Variants in FAM163B observed in about 807,000 individuals in gnomAD.
The protein encoded by FAM163B is protein FAM163B.
In FAM163B, 4 loss-of-function variants were observed where a neutral mutation model predicts 7.6. The ratio of observed to expected loss-of-function variants is 0.52; its 90% CI spans 0.26 to 1.20. The LOEUF (loss-of-function observed/expected upper bound fraction) is 1.20. Among genes scored for constraint, FAM163B ranks in the 50% most tolerant of loss-of-function variants. The pLI, the probability that FAM163B is intolerant of heterozygous loss-of-function variation, is 0.14. For synonymous variants in FAM163B, 120 were observed against 111.6 expected (o/e 1.07, Z -0.47); for missense variants, 250 against 243.0 (o/e 1.03, Z -0.19).
intron 1 of FAM163B, among the ~76,000 whole-genome samples, chr9:133,594,546 C>A (rs1252096270): frequency 6.6e-6 from 1 of 152,126 alleles, no homozygotes; most frequent in Non-Finnish European, 1.5e-5. Flanking sequence ...CTCTTCTGGG[C>A]TCTAGTAGCA....
At chr9:133,593,730 G>A (rs1237453111) in intron 1 of FAM163B, among the ~76,000 whole-genome samples, 3 of 152,258 alleles carry the variant, frequency 2.0e-5, no homozygotes, top group South Asian at 2.1e-4. Flanking sequence ...ACAGCCCGGT[G>A]CTGGGGCCAG....
intron 1 of FAM163B, among the ~76,000 whole-genome samples, chr9:133,587,357 C>A (rs1436443089): frequency 2.0e-5 from 3 of 152,210 alleles, no homozygotes; most frequent in Admixed American, 6.5e-5. Flanking sequence ...CTGGGAAGCC[C>A]TGGAGCCATA....
intron 1 of FAM163B, among the ~76,000 whole-genome samples, chr9:133,588,680 C>CGTTAAGGGATCTAGCATGT (rs1564192732): frequency 2.1e-5 from 1 of 47,738 alleles, no homozygotes; most frequent in African/African-American, 7.3e-5. Flanking sequence ...ATCTAGCATA[C>CGTTAAGGGATCTAGCATGT]TGAGAGATCT....
At chr9:133,592,911 G>T (rs951208519) in intron 1 of FAM163B, among the ~76,000 whole-genome samples, 1 of 152,164 alleles carries the variant, frequency 6.6e-6, no homozygotes, top group East Asian at 1.9e-4. Context: ...CCCCAGACCT[G>T]GCAGCATCCC....
chr9:133,579,503 C>A (rs1327440632), intron 2 of FAM163B, 74 bp from the exon 3 acceptor site: 6 of 1,482,958 alleles, frequency 4.0e-6, no homozygotes, highest in East Asian at 2.5e-5. Flanking sequence ...AAGGCTACCC[C>A]TGACTGGGGA....
At chr9:133,584,552 A>G (rs1831404521) in intron 1 of FAM163B, among the ~76,000 whole-genome samples, 1 of 152,254 alleles carries the variant, frequency 6.6e-6, no homozygotes, top group African/African-American at 2.4e-5. Flanking sequence ...ACACCCTCCA[A>G]GGGTAGGCAG....
intron 1 of FAM163B, among the ~76,000 whole-genome samples, chr9:133,593,375 C>T (rs1361573605): frequency 2.6e-5 from 4 of 152,144 alleles, no homozygotes; most frequent in Non-Finnish European, 4.4e-5. Flanking sequence ...CATCTGTCCA[C>T]CACTGCCATC....
At chr9:133,603,599 C>CA (rs1247825529) in intron 1 of FAM163B, among the ~76,000 whole-genome samples, 1 of 152,162 alleles carries the variant, frequency 6.6e-6, no homozygotes, top group Non-Finnish European at 1.5e-5. Flanking sequence ...GCTCATTAGC[C>CA]AAAGTTGACA....
rs377703967 is a variant in FAM163B at position 133,582,975 on chromosome 9, C to T, written c.-23-2729G>A. 5.3e-4 allele frequency among the ~76,000 whole-genome samples: 80 copies of T among 152,292 alleles called. 1 individual carries two copies. In the East Asian group the frequency reaches 0.014, roughly 26 times the overall value. ...CCTGACTCAGGTGCCGATCCCTCCC[C>T]GACACCTGCAGAGTGACTCCTGCTG... On this transcript the variant is annotated intron_variant, in intron 1 of 2. Coordinates refer to ENST00000673969, the MANE Select transcript of FAM163B (RefSeq NM_001080515.3).
Position 133,578,777 on chromosome 9 carries a change from TG to T in FAM163B, c.*244del. 1.6e-6 allele frequency: 1 copy of T among 609,410 alleles called. No homozygotes were observed. The highest frequency in any genetic ancestry group is 2.6e-6 in the Non-Finnish European group (1 of 391,196). 37.8% of individuals were successfully genotyped at this position (609,410 alleles called of 1,614,324 possible). A position where few individuals can be genotyped will look rare whatever the true frequency, so the allele number is the denominator to read the frequency against. ...CCTGGTGCATGCCCAGCCGGCTGTA[TG>T]GTCACCTGGTCCTTCTAGCCCCAGG... On this transcript the variant is annotated 3_prime_UTR_variant, in exon 3 of 3. Transcript: ENST00000673969.
chr9:133,579,088 G>C lies in FAM163B; in HGVS notation c.435C>G (p.Asn145Lys). The change falls in exon 3 of 3, where the codon AAC becomes AAG. Residue 145 changes from asparagine to lysine, a missense_variant. By Grantham distance (94) the Asn-to-Lys change is moderately conservative (BLOSUM62 0). Transcript: ENST00000673969. ...CCCGCATGGCTGAGAGGCGGTTGGG[G>C]TTGAGCGCCTGCAGGCCCCCGAAGC... Reference protein sequence around the residue: ...PGGFGGLQALNPNRLSAMREA... With the variant: ...PGGFGGLQALKPNRLSAMREA... The C allele has an allele frequency of 2.5e-6, 4 of 1,596,380 alleles. No individual in the cohort carries two copies. The highest frequency in any genetic ancestry group is 3.4e-6 in the Non-Finnish European group (4 of 1,173,672).
intron 1 of FAM163B, among the ~76,000 whole-genome samples, chr9:133,586,619 C>G (rs1260060804): frequency 6.6e-6 from 1 of 152,198 alleles, no homozygotes; most frequent in African/African-American, 2.4e-5. Context: ...GTTCACTGCC[C>G]AGCAGAAGCA....
At chr9:133,598,248 C>T (rs80023900) in intron 1 of FAM163B, among the ~76,000 whole-genome samples, 1 of 151,986 alleles carries the variant, frequency 6.6e-6, no homozygotes, top group Non-Finnish European at 1.5e-5. Context: ...CAGGGGCTCT[C>T]CCCCTGGGGA....
At chr9:133,592,701 TCTTTA>T (rs756301839) in intron 1 of FAM163B, among the ~76,000 whole-genome samples, 9 of 152,142 alleles carry the variant, frequency 5.9e-5, no homozygotes, top group Non-Finnish European at 1.3e-4. Context: ...GCCAGTGACT[TCTTTA>T]CTTAAAGCAC....
At chr9:133,589,448 G>A (rs1588326672) in intron 1 of FAM163B, among the ~76,000 whole-genome samples, 1 of 152,350 alleles carries the variant, frequency 6.6e-6, no homozygotes, top group East Asian at 1.9e-4. Context: ...GGCTCCAGGG[G>A]TGAACATGGT....
intron 1 of FAM163B, chr9:133,586,120 G>C (rs373447464): frequency 1.3e-5 from 2 of 152,262 alleles, no homozygotes; most frequent in East Asian, 1.9e-4. Flanking sequence ...ACGAGGAAGT[G>C]CTCGGCTGCC....
chr9:133,587,821 C>T (rs1831463390), intron 1 of FAM163B, among the ~76,000 whole-genome samples: 1 of 152,106 alleles, frequency 6.6e-6, no homozygotes, highest in South Asian at 2.1e-4. Flanking sequence ...CTGCCTCAAA[C>T]CTCACCTTCT....
At chr9:133,588,050 G>T (rs1831468418) in intron 1 of FAM163B, among the ~76,000 whole-genome samples, 1 of 152,164 alleles carries the variant, frequency 6.6e-6, no homozygotes, top group Non-Finnish European at 1.5e-5. Flanking sequence ...ATCTGCCCAG[G>T]AAGCCAGGAG....
At chr9:133,590,054 T>TC (rs1406284011) in intron 1 of FAM163B, among the ~76,000 whole-genome samples, 549 of 27,380 alleles carry the variant, frequency 0.02, 95 homozygotes, top group East Asian at 0.065. Context: ...TCCCTTCCCT[T>TC]CCCTTCCCTT....
Sources: gnomAD v4.1 joint callset for allele counts (sites outside exome capture counted in the v4.1 genomes callset) on GRCh38, gnomAD v4.1.1 for gene constraint, MANE v1.5 for transcripts, NCBI Gene and HGNC (gene_info 2026-07-23, HGNC 2026-07-21) for gene names.